SMTN: variants seen among roughly 807,000 people sequenced by gnomAD.
The protein encoded by SMTN is smoothelin.
SMTN carries 58 observed loss-of-function variants against 102.0 expected under a neutral mutation model. The observed-to-expected ratio is 0.57, with a 90% confidence interval of 0.46 to 0.71. The LOEUF (loss-of-function observed/expected upper bound fraction) is 0.71, where lower values mean the gene tolerates loss of function less well. Among genes scored for constraint, SMTN ranks in the 30% least tolerant of loss-of-function variants. The pLI, the probability that SMTN is intolerant of heterozygous loss-of-function variation, is 0.00. For missense variants in SMTN, 1,185 were observed against 1,241.7 expected (o/e 0.95, Z 0.69); for synonymous variants, 478 against 497.9 (o/e 0.96, Z 0.53).
chr22:31,085,044 C>G lies in SMTN; in HGVS notation c.51+1735C>G, dbSNP rs761631637. On this transcript the variant is annotated intron_variant, in intron 2 of 20. Transcript: ENST00000333137. ...CGGGCAGTCGCTTCCGGCCCCGGCT[C>G]CCGCACATTCTTGAGGATTGGGCCG... 5 of 1,516,350 alleles carry G rather than the reference C, an allele frequency of 3.3e-6. No individual in the cohort carries two copies. In the South Asian group the frequency reaches 4.8e-5, roughly 15 times the overall value. 93.9% of individuals were successfully genotyped at this position (1,516,350 alleles called of 1,614,324 possible).
intron 11 of SMTN, among the ~76,000 whole-genome samples, chr22:31,093,103 C>A (rs968127554): frequency 2.6e-5 from 4 of 152,256 alleles, no homozygotes; most frequent in African/African-American, 7.2e-5. Context: ...TCAGTTTCCC[C>A]ACCTGTGAGG....
intron 1 of SMTN, among the ~76,000 whole-genome samples, chr22:31,072,941 C>A (rs961414540): frequency 1.3e-5 from 2 of 150,490 alleles, no homozygotes; most frequent in African/African-American, 4.9e-5. Context: ...GCCTCAAATT[C>A]TTTACCTATA....
Position 31,095,468 on chromosome 22 carries a change from C to G in SMTN, c.1785+13C>G. On this transcript the variant is annotated intron_variant, in intron 12 of 20. Transcript: ENST00000333137. This position sits in a 1 kb window ranked among gnomAD's most constrained non-coding sequence, Gnocchi z 4.1. Reference sequence around the variant, plus strand: ...CTTGGACAAGATGGTATAGCCAGATCCGGTGGGCTGGGGGTTGGCAGAGGC... The same window carrying G: ...CTTGGACAAGATGGTATAGCCAGATGCGGTGGGCTGGGGGTTGGCAGAGGC... 1 of 1,614,224 alleles carries G rather than the reference C, an allele frequency of 6.2e-7. No individual in the cohort carries two copies. Among genetic ancestry groups the G allele is most frequent in the Non-Finnish European group, 8.5e-7 (1 of 1,180,028 alleles).
intron 1 of SMTN, among the ~76,000 whole-genome samples, chr22:31,070,227 T>C (rs2041964742): frequency 6.6e-6 from 1 of 152,206 alleles, no homozygotes; most frequent in South Asian, 2.1e-4. Flanking sequence ...CTTCACGTAA[T>C]GAAGGGTCGG....
Position 31,083,277 on chromosome 22 carries a change from G to C in SMTN, c.19G>C (p.Ala7Pro). The C allele has an allele frequency of 6.3e-7, 1 of 1,592,756 alleles. No homozygotes were observed. Among genetic ancestry groups the C allele is most frequent in the Non-Finnish European group, 8.5e-7 (1 of 1,172,170 alleles). MADEAL[A>P]GLDEGALRKL... is the part of the protein sequence containing the mutation. ...CAGCGAGATGGCGGACGAGGCCTTA[G>C]CTGGGCTGGATGAGGGAGCCCTTCG... is the stretch of plus-strand genomic sequence containing the variant. The change falls in exon 2 of 21, where the codon GCT becomes CCT. Residue 7 changes from alanine to proline, a missense_variant. Ala to Pro is a conservative substitution (Grantham distance 27). This residue lies in a region of SMTN where 1,096 missense variants were observed against 1,112.7 expected (regional missense o/e 0.98). Transcript: ENST00000333137.
chr22:31,072,905 T>C (rs1212589606), intron 1 of SMTN, among the ~76,000 whole-genome samples: 1 of 152,038 alleles, frequency 6.6e-6, no homozygotes, highest in African/African-American at 2.4e-5. Context: ...ACTACAGGCG[T>C]GCGGCACCAG....
intron 17 of SMTN, 35 bp downstream of exon 17, chr22:31,098,875 G>A (rs747884091): frequency 6.5e-7 from 1 of 1,545,422 alleles, no homozygotes; most frequent in Non-Finnish European, 8.8e-7. Flanking sequence ...AGTGGGGGGC[G>A]GGGCGTGATA....
At position 31,097,075 on chromosome 22, in the gene SMTN, T is replaced by C. The variant is rs2147774962; in HGVS notation, c.2089+15T>C. The C allele has an allele frequency of 6.2e-7, 1 of 1,613,036 alleles. No homozygotes were observed. Among genetic ancestry groups the C allele is most frequent in the Non-Finnish European group, 8.5e-7 (1 of 1,179,198 alleles). On this transcript the variant is annotated intron_variant, in intron 15 of 20. Transcript: ENST00000333137. ...GCGCTCGGAGAGTAAGGCCACCTGGTGTCGCCCTGTGCCTGCCTGCCTGTC... is the reference window on the plus strand; with the variant it reads ...GCGCTCGGAGAGTAAGGCCACCTGGCGTCGCCCTGTGCCTGCCTGCCTGTC...
rs767594100 is a variant in SMTN, at chr22:31,088,582, C to A, written c.270C>A (p.Asn90Lys). The A allele has an allele frequency of 1.2e-6, 2 of 1,613,798 alleles. No homozygotes were observed. The highest frequency in any genetic ancestry group is 4.5e-5 in the East Asian group (2 of 44,882). ...TGGCAGGGCAGCTGGAGTCCATGAA[C>A]GATGTGGAGGAATTGACTGCACTGG... The part of the protein sequence containing the change: ...ARLAGQLESM[N>K]DVEELTALLR... Residue 90 changes from asparagine (N) to lysine (K), a missense_variant, in exon 4 of 21, where the codon AAC (asparagine) becomes AAA (lysine). By Grantham distance (94) the Asn-to-Lys change is moderately conservative. Transcript: ENST00000333137.
chr22:31,096,652 G>A, intron 13 of SMTN, 81 bp from the exon 14 acceptor site: 1 of 1,433,290 alleles, frequency 7.0e-7, no homozygotes. Context: ...ACCCCGTCTT[G>A]TGTGCCCCAT....
Position 31,089,818 on chromosome 22 carries a change from C to T in SMTN, c.591C>T (p.Ser197=). The change falls in exon 7 of 21, where the codon AGC becomes AGT. Residue 197 remains serine, a synonymous_variant. Transcript: ENST00000333137. ...VTLLLRAPPG[S]TSSSPASPSS... is the part of the protein sequence containing the mutation. ...TCCTGCTGCGAGCCCCACCTGGGAGCACATCCAGCTCACCTGCCTCACCCA... is the reference window on the plus strand; with the variant it reads ...TCCTGCTGCGAGCCCCACCTGGGAGTACATCCAGCTCACCTGCCTCACCCA... 6.2e-7 allele frequency: 1 copy of T among 1,613,758 alleles called. No homozygotes were observed. Among genetic ancestry groups the T allele is most frequent in the Non-Finnish European group, 8.5e-7 (1 of 1,179,990 alleles).
At chr22:31,094,742 C>G (rs1220597629) in intron 11 of SMTN, among the ~76,000 whole-genome samples, 2 of 150,944 alleles carry the variant, frequency 1.3e-5, no homozygotes, top group Admixed American at 6.6e-5. Flanking sequence ...AGTGCAGCTG[C>G]ATGATCATAG....
In SMTN at chr22:31,095,323, G is replaced by T. The variant is rs542638871; in HGVS notation, c.1653G>T (p.Glu551Asp). The change falls in exon 12 of 21, where the codon GAG becomes GAT. Residue 551 changes from glutamate (E) to aspartate (D), a missense_variant. Physicochemically the swap from Glu to Asp is conservative, Grantham distance 45 (BLOSUM62 2). Coordinates refer to ENST00000333137, the MANE Select transcript of SMTN (RefSeq NM_134269.3). This position sits in a 1 kb window ranked among gnomAD's most constrained non-coding sequence, Gnocchi z 4.1. ...TGCAGATGGAAGCAGAGCCAGCAGAGCCTCTCGCTGCAGCAGTGGAAGCGG... is the reference window on the plus strand; with the variant it reads ...TGCAGATGGAAGCAGAGCCAGCAGATCCTCTCGCTGCAGCAGTGGAAGCGG... ...CSIKMEAEPA[E>D]PLAAAVEAAN... 2.5e-6 allele frequency: 4 copies of T among 1,614,022 alleles called. No homozygotes were observed. The highest frequency in any genetic ancestry group is 3.4e-6 in the Non-Finnish European group (4 of 1,180,030).
At chr22:31,098,431 ACTACT>A (rs1038440270) in intron 16 of SMTN, among the ~76,000 whole-genome samples, 29 of 151,482 alleles carry the variant, frequency 1.9e-4, no homozygotes, top group South Asian at 1.0e-3. Flanking sequence ...TTCTCAGAGA[ACTACT>A]CGTGGGTGGG....
chr22:31,091,315 G>C lies in SMTN; in HGVS notation c.1292G>C (p.Gly431Ala), dbSNP rs753542731. The change falls in exon 10 of 21, where the codon GGG becomes GCG. Residue 431 changes from glycine (G) to alanine (A), a missense_variant. Gly to Ala is a moderately conservative substitution (Grantham distance 60). This residue lies in a region of SMTN where 1,096 missense variants were observed against 1,112.7 expected (regional missense o/e 0.98). Transcript: ENST00000333137. ...LAARPLENRA[G>A]GPVARSEEPG... The stretch of plus-strand genomic sequence containing the variant: ...GCTAGGCCCCTTGAAAACAGAGCAG[G>C]GGGGCCTGTGGCACGTTCAGAGGAG... 5.0e-6 allele frequency: 8 copies of C among 1,604,454 alleles called. No individual in the cohort carries two copies. The highest frequency in any genetic ancestry group is 5.9e-6 in the Non-Finnish European group (7 of 1,177,164).
chr22:31,092,505 C>G lies in SMTN; in HGVS notation c.1632+658C>G, dbSNP rs191483159. On this transcript the variant is annotated intron_variant, in intron 11 of 20. Coordinates refer to ENST00000333137, the MANE Select transcript of SMTN (RefSeq NM_134269.3). The stretch of plus-strand genomic sequence containing the variant: ...CGGGAGCTCAGCCGGGAAAGGGATC[C>G]CCAAGCGGGCCACCCGGCTGCCCAG... 68 of 471,204 alleles carry G rather than the reference C, an allele frequency of 1.4e-4. No homozygotes were observed. In the East Asian group the frequency reaches 4.4e-3, roughly 30 times the overall value. The allele number at this position is 471,204 out of a possible 1,614,324, so 29.2% of individuals were successfully genotyped here. A position where few individuals can be genotyped will look rare whatever the true frequency, so the allele number is the denominator to read the frequency against.
chr22:31,075,545 G>T (rs1007853991), intron 1 of SMTN, among the ~76,000 whole-genome samples: 1 of 152,114 alleles, frequency 6.6e-6, no homozygotes, highest in Non-Finnish European at 1.5e-5. Context: ...GCCAGGCGTG[G>T]TGACGGGCCC....
intron 1 of SMTN, among the ~76,000 whole-genome samples, chr22:31,073,011 CTTTTTT>C (rs59040826): frequency 1.2e-5 from 1 of 85,680 alleles, no homozygotes. Flanking sequence ...CTCTCTCTCT[CTTTTTT>C]TTTTTTTTTT....
intron 1 of SMTN, chr22:31,065,656 T>C (rs1206977105): frequency 1.3e-5 from 2 of 151,786 alleles, no homozygotes; most frequent in Non-Finnish European, 2.9e-5. Flanking sequence ...GGCCTACATT[T>C]TTTTTTTTAA....
Sources: allele counts gnomAD v4.1 joint callset (sites outside exome capture counted in the v4.1 genomes callset), GRCh38; gene constraint gnomAD v4.1.1; regional missense constraint gnomAD v4.1.1; non-coding constraint Gnocchi (gnomAD v3.1); transcripts MANE v1.5; gene names NCBI Gene and HGNC (gene_info 2026-07-23, HGNC 2026-07-21).